CNTNAP2: variants seen among roughly 807,000 people sequenced by gnomAD.
The protein encoded by CNTNAP2 is contactin associated protein 2, also known as contactin-associated protein-like 2.
Under a neutral mutation model 155.2 loss-of-function variants are expected in CNTNAP2, and 98 were observed. That is an observed-to-expected ratio of 0.63 (90% CI 0.54 to 0.75). CNTNAP2 has a LOEUF of 0.75. Ranked by LOEUF, CNTNAP2 falls within the 30% of genes least tolerant of loss-of-function variation. The probability of loss-of-function intolerance (pLI) is 0.00; values close to 1 mark genes in which losing one functional copy is unlikely to be tolerated. For synonymous variants in CNTNAP2, 651 were observed against 631.2 expected (o/e 1.03, Z -0.47); for missense variants, 1,727 against 1,688.1 (o/e 1.02, Z -0.40).
chr7:146,359,324 G>C (rs751295635), intron 1 of CNTNAP2, among the ~76,000 whole-genome samples: 1 of 152,224 alleles, frequency 6.6e-6, no homozygotes, highest in Non-Finnish European at 1.5e-5. Flanking sequence ...ATGAAGACAT[G>C]AATCAAGTTA....
chr7:146,641,799 C>G (rs1484558548), intron 1 of CNTNAP2, among the ~76,000 whole-genome samples: 1 of 152,106 alleles, frequency 6.6e-6, no homozygotes, highest in Non-Finnish European at 1.5e-5. Context: ...CATAGAGATT[C>G]AGAACAGATG....
At chr7:146,141,120 T>C (rs948636465) in intron 1 of CNTNAP2, among the ~76,000 whole-genome samples, 2 of 152,192 alleles carry the variant, frequency 1.3e-5, no homozygotes, top group Non-Finnish European at 2.9e-5. Context: ...CGTACTTTGC[T>C]CAGGTCACAA....
intron 1 of CNTNAP2, among the ~76,000 whole-genome samples, chr7:146,751,060 A>T (rs1377288784): frequency 6.6e-6 from 1 of 152,192 alleles, no homozygotes; most frequent in African/African-American, 2.4e-5. Context: ...ATAATTTATA[A>T]TAATAAAATG....
chr7:147,466,396 T>A (rs1584964867), intron 10 of CNTNAP2, among the ~76,000 whole-genome samples: 1 of 152,044 alleles, frequency 6.6e-6, no homozygotes, highest in Non-Finnish European at 1.5e-5. Context: ...GGAGGGAAAA[T>A]TAGAGTGATG....
intron 11 of CNTNAP2, among the ~76,000 whole-genome samples, chr7:147,518,592 TTC>T (rs1222333711): frequency 6.6e-6 from 1 of 152,232 alleles, no homozygotes; most frequent in Non-Finnish European, 1.5e-5. Flanking sequence ...GGATCATGTG[TTC>T]TCTCAAGTAT....
chr7:146,907,248 T>G (rs375439648), intron 3 of CNTNAP2, among the ~76,000 whole-genome samples: 3 of 148,826 alleles, frequency 2.0e-5, no homozygotes, highest in African/African-American at 7.4e-5. Context: ...CCAGGAGAAC[T>G]TCCCCAATCT....
chr7:147,667,349 G>A (rs560843090), intron 13 of CNTNAP2, among the ~76,000 whole-genome samples: 4 of 152,156 alleles, frequency 2.6e-5, no homozygotes, highest in Non-Finnish European at 4.4e-5. Context: ...CCCTAAGGGG[G>A]CCAAGTCAAT....
chr7:148,184,970 G>A (rs544048296), intron 18 of CNTNAP2, among the ~76,000 whole-genome samples: 9 of 152,182 alleles, frequency 5.9e-5, no homozygotes, highest in African/African-American at 2.2e-4. Flanking sequence ...GTCACTGAAA[G>A]CCTCTTTAGT....
intron 1 of CNTNAP2, among the ~76,000 whole-genome samples, chr7:146,514,883 T>C (rs961313482): frequency 6.6e-6 from 1 of 152,132 alleles, no homozygotes; most frequent in Non-Finnish European, 1.5e-5. Flanking sequence ...TATAGTTTAC[T>C]TGTTGAATTC....
intron 9 of CNTNAP2, among the ~76,000 whole-genome samples, chr7:147,310,810 A>G (rs1057398372): frequency 5.9e-5 from 9 of 152,242 alleles, no homozygotes; most frequent in Non-Finnish European, 1.3e-4. Context: ...TACAGGGACC[A>G]CTGCAATATA....
chr7:146,907,375 A>G (rs1299887730), intron 3 of CNTNAP2, among the ~76,000 whole-genome samples: 7 of 148,772 alleles, frequency 4.7e-5, no homozygotes, highest in Admixed American at 2.0e-4. Flanking sequence ...GAAATGAAGG[A>G]AAAAATGTTA....
At chr7:147,915,731 T>A (rs1800147236) in intron 14 of CNTNAP2, among the ~76,000 whole-genome samples, 1 of 151,710 alleles carries the variant, frequency 6.6e-6, no homozygotes, top group African/African-American at 2.4e-5. Context: ...AGATATTGCT[T>A]TACCAGTGAT....
In CNTNAP2 at chr7:147,997,024, C is replaced by T. The variant is rs111875712; in HGVS notation, c.2383+19035C>T. Among the ~76,000 whole-genome samples the T allele has an allele frequency of 4.7e-4, 72 of 152,260 alleles. 1 individual carries two copies. The highest frequency in any genetic ancestry group is 1.5e-3 in the African/African-American group (62 of 41,560). On this transcript the variant is annotated intron_variant, in intron 15 of 23. Coordinates refer to ENST00000361727, the MANE Select transcript of CNTNAP2 (RefSeq NM_014141.6). ...CCAGAGAGCTTATTGGCCCTTTCTGCCATGAGAGACTTCAGCTGGAAGGCA... is the reference window on the plus strand; with the variant it reads ...CCAGAGAGCTTATTGGCCCTTTCTGTCATGAGAGACTTCAGCTGGAAGGCA...
chr7:147,712,767 A>G (rs185286289), intron 13 of CNTNAP2, among the ~76,000 whole-genome samples: 2,281 of 152,276 alleles, frequency 0.015, 66 homozygotes, highest in African/African-American at 0.05. Context: ...GGAGGGAGGG[A>G]TAGCATTAGG....
At chr7:147,670,585 T>C (rs1389684496) in intron 13 of CNTNAP2, among the ~76,000 whole-genome samples, 1 of 152,188 alleles carries the variant, frequency 6.6e-6, no homozygotes, top group Non-Finnish European at 1.5e-5. Context: ...GAGAAGTGGC[T>C]TGACTTCAGA....
intron 1 of CNTNAP2, among the ~76,000 whole-genome samples, chr7:146,639,444 A>G (rs1294818260): frequency 1.4e-5 from 2 of 141,184 alleles, no homozygotes. Flanking sequence ...CACAAGTATC[A>G]TGTAAGATAG....
At chr7:147,082,309 C>T (rs1457925112) in intron 4 of CNTNAP2, among the ~76,000 whole-genome samples, 1 of 152,174 alleles carries the variant, frequency 6.6e-6, no homozygotes, top group Non-Finnish European at 1.5e-5. Context: ...GGCCTTTTAT[C>T]GCTGCCTCTT....
chr7:147,083,972 GTA>G (rs1563070696), intron 4 of CNTNAP2, among the ~76,000 whole-genome samples: 1 of 134,108 alleles, frequency 7.5e-6, no homozygotes, highest in East Asian at 2.2e-4. Context: ...TTATATATGT[GTA>G]TACACATATA....
intron 10 of CNTNAP2, among the ~76,000 whole-genome samples, chr7:147,462,524 A>C (rs6949929): frequency 0.78 from 118,869 of 152,108 alleles, 46,822 homozygotes; most frequent in African/African-American, 0.88. Context: ...TATGTTCTCA[A>C]ATGGAGCCCT....
Sources: gnomAD v4.1 joint callset for allele counts (sites outside exome capture counted in the v4.1 genomes callset) on GRCh38, gnomAD v4.1.1 for gene constraint, MANE v1.5 for transcripts, NCBI Gene and HGNC (gene_info 2026-07-23, HGNC 2026-07-21) for gene names.